Variants in RGS7 observed in about 807,000 individuals in gnomAD.
The protein encoded by RGS7 is regulator of G-protein signaling 7.
Under a neutral mutation model 81.1 loss-of-function variants are expected in RGS7, and 27 were observed. The observed-to-expected ratio is 0.33, with a 90% confidence interval of 0.25 to 0.46. The LOEUF is 0.46. RGS7 is among the 20% of genes least tolerant of loss of function. The probability of loss-of-function intolerance (pLI) is 1.00; values close to 1 mark genes in which losing one functional copy is unlikely to be tolerated. For synonymous variants in RGS7, 208 were observed against 207.7 expected, an observed-to-expected ratio of 1.00 and a Z score of -0.01; for missense variants, 396 against 607.4, an observed-to-expected ratio of 0.65 and a Z score of 3.66.
rs115961880 is a variant in RGS7, at chr1:241,337,213, C to G, written c.78+18486G>C. ...TGGGTTCTCAAAACATTTCTTTTCT[C>G]TTTTCCACCATTCTGTACTCCATTG... On this transcript the variant is annotated intron_variant, in intron 2 of 18. Transcript: ENST00000440928. 8.6e-3 allele frequency among the ~76,000 whole-genome samples: 1,305 copies of G among 152,254 alleles called. 10 individuals carry two copies. The highest frequency in any genetic ancestry group is 0.01 in the Middle Eastern group (3 of 294).
chr1:240,876,213 T>C (rs1665385408), intron 6 of RGS7, among the ~76,000 whole-genome samples: 1 of 152,146 alleles, frequency 6.6e-6, no homozygotes, highest in South Asian at 2.1e-4. Context: ...CCTATTGTGT[T>C]CCCAGGGGTG....
At chr1:241,213,809 G>A (rs1453379932) in intron 2 of RGS7, among the ~76,000 whole-genome samples, 3 of 152,126 alleles carry the variant, frequency 2.0e-5, no homozygotes, top group Non-Finnish European at 2.9e-5. Flanking sequence ...CTGATGCCCA[G>A]GCTGGAGTGT....
At chr1:241,193,016 C>T in intron 2 of RGS7, among the ~76,000 whole-genome samples, 1 of 152,152 alleles carries the variant, frequency 6.6e-6, no homozygotes, top group East Asian at 1.9e-4. Flanking sequence ...ATCCAAAGAA[C>T]TATAATAATG....
chr1:240,976,914 T>TTCTA (rs3044722), intron 4 of RGS7, among the ~76,000 whole-genome samples: 123,728 of 151,196 alleles, frequency 0.82, 51,805 homozygotes, highest in South Asian at 0.96. Context: ...TCTATTATCT[T>TTCTA]TCTATCATCC....
intron 2 of RGS7, among the ~76,000 whole-genome samples, chr1:241,229,010 A>G (rs1422066278): frequency 6.6e-6 from 1 of 151,952 alleles, no homozygotes; most frequent in Admixed American, 6.6e-5. Context: ...AAACCTCTGC[A>G]CTATTTTTGC....
At chr1:240,953,817 G>T (rs1679932073) in intron 4 of RGS7, among the ~76,000 whole-genome samples, 1 of 151,942 alleles carries the variant, frequency 6.6e-6, no homozygotes, top group Non-Finnish European at 1.5e-5. Context: ...ATTAAAAGCT[G>T]GTTCTTGTAA....
chr1:241,204,623 TCAGA>T (rs1449788998), intron 2 of RGS7, among the ~76,000 whole-genome samples: 2 of 152,076 alleles, frequency 1.3e-5, no homozygotes, highest in East Asian at 3.8e-4. Flanking sequence ...TCCTTAAAAG[TCAGA>T]CAAATTTATC....
At chr1:241,229,848 A>T (rs2075549879) in intron 2 of RGS7, among the ~76,000 whole-genome samples, 1 of 152,248 alleles carries the variant, frequency 6.6e-6, no homozygotes, top group African/African-American at 2.4e-5. Flanking sequence ...ATCTATGAAG[A>T]TAAAGACTGA....
intron 2 of RGS7, among the ~76,000 whole-genome samples, chr1:241,181,375 A>G (rs540054289): frequency 4.7e-4 from 72 of 152,354 alleles, no homozygotes; most frequent in Non-Finnish European, 8.5e-4. Flanking sequence ...TTGCTCTAAA[A>G]AATAAAATAC....
intron 5 of RGS7, among the ~76,000 whole-genome samples, chr1:240,933,039 C>T (rs186245933): frequency 5.7e-4 from 85 of 148,716 alleles, no homozygotes; most frequent in African/African-American, 1.9e-3. Context: ...GCCCGCACCA[C>T]GCCCGGCTAA....
chr1:241,171,812 T>G (rs1469636008), intron 2 of RGS7, among the ~76,000 whole-genome samples: 1 of 152,208 alleles, frequency 6.6e-6, no homozygotes, highest in Non-Finnish European at 1.5e-5. Flanking sequence ...ACTTTGTAAT[T>G]TTTTGTTCAT....
At chr1:241,328,740 T>C (rs1042540962) in intron 2 of RGS7, among the ~76,000 whole-genome samples, 1 of 152,190 alleles carries the variant, frequency 6.6e-6, no homozygotes, top group Non-Finnish European at 1.5e-5. Flanking sequence ...CACTGTCTTC[T>C]TGTAACACAG....
intron 3 of RGS7, among the ~76,000 whole-genome samples, chr1:240,983,389 T>C (rs1018374656): frequency 1.7e-4 from 26 of 152,328 alleles, no homozygotes; most frequent in African/African-American, 6.3e-4. Flanking sequence ...ACTGTACTAG[T>C]AGAAAGTGAT....
intron 4 of RGS7, among the ~76,000 whole-genome samples, chr1:240,941,336 T>C (rs1677544391): frequency 1.3e-5 from 2 of 152,172 alleles, no homozygotes; most frequent in East Asian, 1.9e-4. Flanking sequence ...TTTGTGTTCA[T>C]TACAGGATCT....
chr1:241,140,762 C>G (rs1450542211), intron 2 of RGS7, among the ~76,000 whole-genome samples: 2 of 152,166 alleles, frequency 1.3e-5, no homozygotes, highest in African/African-American at 4.8e-5. Context: ...CTCCTTTTTG[C>G]TGGGACTCTG....
chr1:241,236,102 G>A (rs1439013743), intron 2 of RGS7, among the ~76,000 whole-genome samples: 1 of 151,798 alleles, frequency 6.6e-6, no homozygotes, highest in Non-Finnish European at 1.5e-5. Flanking sequence ...AAACTTTTGA[G>A]AATACTTAAG....
chr1:241,151,747 C>T (rs2068773625), intron 2 of RGS7, among the ~76,000 whole-genome samples: 2 of 152,004 alleles, frequency 1.3e-5, no homozygotes, highest in African/African-American at 4.8e-5. Flanking sequence ...CATTGTATTG[C>T]TATTCTGGTT....
chr1:241,224,450 T>C (rs2075199284), intron 2 of RGS7, among the ~76,000 whole-genome samples: 1 of 152,158 alleles, frequency 6.6e-6, no homozygotes, highest in Admixed American at 6.5e-5. Flanking sequence ...GGCTGCATAG[T>C]ATTCCAAGGT....
rs543275771 is a variant in RGS7 at position 241,319,391 on chromosome 1, T to G, written c.78+36308A>C. On this transcript the variant is annotated intron_variant, in intron 2 of 18. Transcript: ENST00000440928. ...TAATGGTGCCTATTAAATGTTGGTA[T>G]AAAAATACCCTAAGAAAATGCAACA... is the stretch of plus-strand genomic sequence containing the variant. 1.8e-4 allele frequency among the ~76,000 whole-genome samples: 27 copies of G among 152,290 alleles called. No individual in the cohort carries two copies. In the East Asian group the frequency reaches 3.3e-3, roughly 18 times the overall value.
Sources: gnomAD v4.1 joint callset for allele counts (sites outside exome capture counted in the v4.1 genomes callset) on GRCh38, gnomAD v4.1.1 for gene constraint, MANE v1.5 for transcripts, NCBI Gene and HGNC (gene_info 2026-07-23, HGNC 2026-07-21) for gene names.